TTC28: variants seen among roughly 807,000 people sequenced by gnomAD.
The protein encoded by TTC28 is tetratricopeptide repeat domain 28.
In TTC28, 61 loss-of-function variants were observed where a neutral mutation model predicts 198.0. The ratio of observed to expected loss-of-function variants is 0.31; its 90% CI spans 0.25 to 0.38. The LOEUF is 0.38. TTC28 is among the 10% of genes least tolerant of loss of function. The probability of loss-of-function intolerance (pLI) is 1.00; values close to 1 mark genes in which losing one functional copy is unlikely to be tolerated. For missense variants in TTC28, 2,678 were observed against 3,164.0 expected, an observed-to-expected ratio of 0.85 and a Z score of 3.69; for synonymous variants, 1,171 against 1,297.8, an observed-to-expected ratio of 0.90 and a Z score of 2.10.
At chr22:28,353,957 T>C (rs747007352) in intron 2 of TTC28, among the ~76,000 whole-genome samples, 1 of 152,084 alleles carries the variant, frequency 6.6e-6, no homozygotes, top group Non-Finnish European at 1.5e-5. Context: ...ATTAGAAAAA[T>C]GCAAGTCAAA....
intron 2 of TTC28, among the ~76,000 whole-genome samples, chr22:28,335,678 A>G (rs565127534): frequency 2.0e-5 from 3 of 152,280 alleles, no homozygotes; most frequent in African/African-American, 4.8e-5. Context: ...TGATTTTTGC[A>G]CATTGATTTT....
chr22:28,419,069 C>G (rs918741366), intron 2 of TTC28, among the ~76,000 whole-genome samples: 1 of 152,080 alleles, frequency 6.6e-6, no homozygotes, highest in Non-Finnish European at 1.5e-5. Context: ...AATGACCAGA[C>G]AGTTTAAGAA....
intron 14 of TTC28, among the ~76,000 whole-genome samples, chr22:28,009,990 A>G (rs1938082293): frequency 6.6e-6 from 1 of 152,218 alleles, no homozygotes; most frequent in East Asian, 1.9e-4. Context: ...AAAGCAGCCA[A>G]ACTCCTTCCC....
chr22:28,154,940 C>G (rs1164106692), intron 6 of TTC28, among the ~76,000 whole-genome samples: 1 of 152,116 alleles, frequency 6.6e-6, no homozygotes, highest in Non-Finnish European at 1.5e-5. Context: ...CTTCTATTGT[C>G]CAAAAACCTT....
In TTC28 at chr22:27,982,840, G is replaced by A; in HGVS notation, c.6827C>T (p.Ser2276Leu). ...HSGRPSPGCD[S>L]QTSQLDQPLF... ...AGGCTGGTCCAGCTGGGAAGTCTGT[G>A]AGTCGCAGCCGGGCGATGGCCGGCC... Residue 2276 changes from serine (S) to leucine (L), a missense_variant, in exon 23 of 23, where the codon TCA becomes TTA. By Grantham distance (145) the Ser-to-Leu change is moderately radical. Coordinates refer to ENST00000397906, the MANE Select transcript of TTC28 (RefSeq NM_001145418.2). The surrounding 1 kb of genome is among the most constrained non-coding windows in gnomAD (Gnocchi z 5.2). 1.3e-6 allele frequency: 2 copies of A among 1,542,252 alleles called. No individual in the cohort carries two copies. Among genetic ancestry groups the A allele is most frequent in the South Asian group, 2.4e-5 (2 of 82,868 alleles).
At chr22:28,388,496 T>C (rs1272252549) in intron 2 of TTC28, among the ~76,000 whole-genome samples, 1 of 152,224 alleles carries the variant, frequency 6.6e-6, no homozygotes, top group East Asian at 1.9e-4. Context: ...GTTCTTCCAT[T>C]TGTTTGTATC....
At chr22:28,275,271 T>C (rs1028845372) in intron 5 of TTC28, among the ~76,000 whole-genome samples, 2 of 152,184 alleles carry the variant, frequency 1.3e-5, no homozygotes, top group South Asian at 2.1e-4. Context: ...TTCATGCATG[T>C]TTCACCTGAA....
intron 2 of TTC28, among the ~76,000 whole-genome samples, chr22:28,503,577 G>A (rs2048565156): frequency 6.6e-6 from 1 of 152,160 alleles, no homozygotes; most frequent in South Asian, 2.1e-4. Context: ...ACCTCACTGA[G>A]TTGTTGGGAT....
At position 28,063,529 on chromosome 22, in the gene TTC28, C is replaced by T. The variant is rs189238141; in HGVS notation, c.3932+30551G>A. ...CTTCAGGCGGTTGGTATTTCCCCCA[C>T]CCTGCCCCACTGCCCACCGCAGAGA... On this transcript the variant is annotated intron_variant, in intron 12 of 22. Transcript: ENST00000397906. Among the ~76,000 whole-genome samples the T allele has an allele frequency of 1.4e-4, 21 of 152,286 alleles. No individual in the cohort carries two copies. The East Asian group carries it at 4.1e-3, about 29-fold the overall frequency.
chr22:28,529,468 C>G (rs907001758), intron 2 of TTC28, among the ~76,000 whole-genome samples: 1 of 152,152 alleles, frequency 6.6e-6, no homozygotes, highest in African/African-American at 2.4e-5. Context: ...TCTGTAGACT[C>G]CACCTTTGAG....
chr22:28,670,725 G>A (rs1447779183), intron 1 of TTC28, among the ~76,000 whole-genome samples: 3 of 120,966 alleles, frequency 2.5e-5, no homozygotes, highest in Non-Finnish European at 5.3e-5. Flanking sequence ...ATATATATAT[G>A]AGTGGAATTA....
chr22:28,000,948 C>T, intron 15 of TTC28: 1 of 164,156 alleles, frequency 6.1e-6, no homozygotes, highest in Non-Finnish European at 1.3e-5. Flanking sequence ...TGCTTGTCTG[C>T]CCTCCCTGCC....
intron 6 of TTC28, 105 bp downstream of exon 6, chr22:28,162,987 C>A: frequency 7.4e-7 from 1 of 1,359,772 alleles, no homozygotes; most frequent in Non-Finnish European, 9.7e-7. Flanking sequence ...TAAGGATATT[C>A]TTTTAAATAT....
chr22:28,452,225 T>C (rs2047789726), intron 2 of TTC28, among the ~76,000 whole-genome samples: 2 of 151,326 alleles, frequency 1.3e-5, no homozygotes, highest in African/African-American at 4.9e-5. Context: ...CCATCTCTAC[T>C]AAAAATACAA....
chr22:28,565,070 A>T (rs893244793), intron 2 of TTC28, among the ~76,000 whole-genome samples: 2 of 151,852 alleles, frequency 1.3e-5, no homozygotes, highest in Non-Finnish European at 1.5e-5. Context: ...AAAAGTGAAG[A>T]TCCCTACTAT....
At chr22:28,162,902 C>A (rs1384242228) in intron 6 of TTC28, among the ~76,000 whole-genome samples, 190 bp downstream of exon 6, 1 of 152,188 alleles carries the variant, frequency 6.6e-6, no homozygotes, top group Non-Finnish European at 1.5e-5. Flanking sequence ...CCATCCTTGG[C>A]CTGTGTACTC....
intron 5 of TTC28, among the ~76,000 whole-genome samples, chr22:28,277,449 T>A (rs2044493288): frequency 6.6e-6 from 1 of 152,214 alleles, no homozygotes; most frequent in Non-Finnish European, 1.5e-5. Context: ...AAGGGCATTG[T>A]TCTACAAACT....
intron 9 of TTC28, 140 bp from the exon 10 acceptor site, chr22:28,099,184 C>CA: frequency 8.3e-7 from 1 of 1,209,676 alleles, no homozygotes; most frequent in Non-Finnish European, 1.1e-6. Flanking sequence ...GTCTGATGTC[C>CA]AGGTGTAAGG....
At chr22:28,554,790 G>A (rs540800418) in intron 2 of TTC28, among the ~76,000 whole-genome samples, 1 of 152,228 alleles carries the variant, frequency 6.6e-6, no homozygotes, top group East Asian at 1.9e-4. Flanking sequence ...AGAATCACTT[G>A]AACCTGGGAG....
Sources: gnomAD v4.1 joint callset for allele counts (sites outside exome capture counted in the v4.1 genomes callset) on GRCh38, gnomAD v4.1.1 for gene constraint, Gnocchi (gnomAD v3.1) non-coding constraint, MANE v1.5 for transcripts, NCBI Gene and HGNC (gene_info 2026-07-23, HGNC 2026-07-21) for gene names.